The following SDK1 variants were observed in gnomAD, a reference collection of about 807,000 sequenced individuals.
SDK1 encodes protein sidekick-1.
A neutral mutation model predicts 245.5 loss-of-function variants in SDK1; 157 were observed. The ratio of observed to expected loss-of-function variants is 0.64; its 90% CI spans 0.56 to 0.73. The LOEUF (loss-of-function observed/expected upper bound fraction) is 0.73, where lower values mean the gene tolerates loss of function less well. Ranked by LOEUF, SDK1 falls within the 30% of genes least tolerant of loss-of-function variation. SDK1 has a pLI of 0.00. For synonymous variants in SDK1, 1,647 were observed against 1,278.5 expected, an observed-to-expected ratio of 1.29 and a Z score of -6.15; for missense variants, 3,583 against 3,002.3, an observed-to-expected ratio of 1.19 and a Z score of -4.52.
intron 4 of SDK1, among the ~76,000 whole-genome samples, chr7:3,712,388 A>G (rs530543969): frequency 1.4e-4 from 22 of 152,330 alleles, no homozygotes; most frequent in African/African-American, 5.1e-4. Context: ...AGTTGTAAGA[A>G]AACAAGTTCA....
chr7:4,115,809 A>C (rs968737722), intron 25 of SDK1, among the ~76,000 whole-genome samples: 13 of 152,330 alleles, frequency 8.5e-5, no homozygotes, highest in Middle Eastern at 6.8e-3. Flanking sequence ...TGTTGTTTTC[A>C]GTAGAAAAAT....
chr7:3,390,614 A>T (rs1269781815), intron 1 of SDK1, among the ~76,000 whole-genome samples: 2 of 152,198 alleles, frequency 1.3e-5, no homozygotes, highest in Admixed American at 1.3e-4. Context: ...TCCTTATATG[A>T]TGAGGGGGCT....
intron 17 of SDK1, among the ~76,000 whole-genome samples, chr7:4,047,100 A>C (rs74363913): frequency 0.055 from 8,316 of 152,244 alleles, 493 homozygotes; most frequent in African/African-American, 0.14. Context: ...CTTAAATGAG[A>C]TATTAGCTGT....
chr7:4,157,478 G>GAAGGAGAGAAGGAAGGAAGGA (rs1562899947), intron 30 of SDK1, among the ~76,000 whole-genome samples: 2 of 136,010 alleles, frequency 1.5e-5, no homozygotes, highest in African/African-American at 5.6e-5. Context: ...AGGAAGGAGG[G>GAAGGAGAGAAGGAAGGAAGGA]AAGGAAGGGA....
intron 5 of SDK1, among the ~76,000 whole-genome samples, chr7:3,906,138 C>G (rs1314469421): frequency 2.0e-5 from 3 of 152,090 alleles, no homozygotes; most frequent in African/African-American, 7.2e-5. Context: ...CTTTGTCTTA[C>G]CTGATGTTTG....
intron 4 of SDK1, among the ~76,000 whole-genome samples, chr7:3,768,709 C>G (rs1780326048): frequency 6.6e-6 from 1 of 152,152 alleles, no homozygotes; most frequent in Non-Finnish European, 1.5e-5. Context: ...GCTGTAGGTA[C>G]ACGTTTATGC....
At chr7:3,805,125 T>G (rs190253445) in intron 4 of SDK1, among the ~76,000 whole-genome samples, 1 of 152,346 alleles carries the variant, frequency 6.6e-6, no homozygotes, top group Non-Finnish European at 1.5e-5. Flanking sequence ...TTGGACACCA[T>G]AAGTACATAC....
At chr7:3,913,705 T>G (rs182183350) in intron 5 of SDK1, among the ~76,000 whole-genome samples, 1 of 152,284 alleles carries the variant, frequency 6.6e-6, no homozygotes, top group Non-Finnish European at 1.5e-5. Flanking sequence ...CCCTTGAGTA[T>G]GTTCACCAGT....
chr7:3,311,114 A>G (rs1184486037), intron 1 of SDK1, among the ~76,000 whole-genome samples: 3 of 152,156 alleles, frequency 2.0e-5, no homozygotes, highest in South Asian at 2.1e-4. Context: ...GACAGTTGAC[A>G]TAACTGGAGA....
chr7:4,041,420 C>G (rs890280615), intron 17 of SDK1, among the ~76,000 whole-genome samples: 1 of 152,026 alleles, frequency 6.6e-6, no homozygotes, highest in Non-Finnish European at 1.5e-5. Context: ...AGAGTGGTAC[C>G]TTTCTTATGA....
chr7:4,023,801 A>G (rs1787121720), intron 17 of SDK1, among the ~76,000 whole-genome samples: 1 of 152,370 alleles, frequency 6.6e-6, no homozygotes, highest in South Asian at 2.1e-4. Context: ...TGTTCAAATA[A>G]TGATGAAAGA....
Position 4,056,737 on chromosome 7 carries a change from C to T in SDK1, c.2911+4907C>T, listed in dbSNP as rs369941974. Among the ~76,000 whole-genome samples, 53 of 152,282 alleles carry T rather than the reference C, an allele frequency of 3.5e-4. 1 individual carries two copies. The highest frequency in any genetic ancestry group is 1.2e-3 in the African/African-American group (51 of 41,566). ...GAGGGAGCCCACGCTGCACCCCACA[C>T]GCCCGAGCCCAGAGCAGCTACTATG... is the stretch of plus-strand genomic sequence containing the variant. On this transcript the variant is annotated intron_variant, in intron 19 of 44. Coordinates refer to ENST00000404826, the MANE Select transcript of SDK1 (RefSeq NM_152744.4).
intron 1 of SDK1, among the ~76,000 whole-genome samples, chr7:3,466,455 C>A (rs1234565618): frequency 6.8e-6 from 1 of 146,552 alleles, no homozygotes; most frequent in Non-Finnish European, 1.5e-5. Flanking sequence ...ACATTTTTAT[C>A]TAGTATGCGT....
At chr7:4,074,166 G>A (rs2128175887) in intron 20 of SDK1, among the ~76,000 whole-genome samples, 1 of 152,226 alleles carries the variant, frequency 6.6e-6, no homozygotes, top group East Asian at 1.9e-4. Context: ...GACGAAACGA[G>A]CTATTCTGCA....
chr7:4,122,314 G>T lies in SDK1; in HGVS notation c.3824-5067G>T, dbSNP rs527377274. 2.0e-5 allele frequency among the ~76,000 whole-genome samples: 3 copies of T among 152,106 alleles called. No homozygotes were observed. The South Asian group carries it at 6.2e-4, about 32-fold the overall frequency. On this transcript the variant is annotated intron_variant, in intron 25 of 44. Coordinates refer to ENST00000404826, the MANE Select transcript of SDK1 (RefSeq NM_152744.4). Reference sequence around the variant, plus strand: ...AGAAAACTCGATCCTTTTTTGAAATGGGGGGAGGCAGGGATGAGATGGGGA... The same window carrying T: ...AGAAAACTCGATCCTTTTTTGAAATTGGGGGAGGCAGGGATGAGATGGGGA...
At chr7:3,743,123 C>T (rs933548105) in intron 4 of SDK1, among the ~76,000 whole-genome samples, 1 of 152,128 alleles carries the variant, frequency 6.6e-6, no homozygotes, top group African/African-American at 2.4e-5. Context: ...CCTTGGGTGC[C>T]TTGAATGGGA....
intron 14 of SDK1, among the ~76,000 whole-genome samples, chr7:4,002,332 T>A (rs879386724): frequency 1.4e-4 from 22 of 152,212 alleles, no homozygotes; most frequent in Non-Finnish European, 2.4e-4. Flanking sequence ...CTGAAATTCT[T>A]TGTTGTCTGG....
At chr7:3,947,945 G>C (rs1219199210) in intron 5 of SDK1, among the ~76,000 whole-genome samples, 1 of 152,068 alleles carries the variant, frequency 6.6e-6, no homozygotes, top group Non-Finnish European at 1.5e-5. Flanking sequence ...GTATGGTTTT[G>C]TTTCATTTTA....
At chr7:4,011,187 T>C (rs1242527677) in intron 15 of SDK1, 74 bp downstream of exon 15, 2 of 1,540,786 alleles carry the variant, frequency 1.3e-6, no homozygotes, top group African/African-American at 1.4e-5. Context: ...CATCACATTA[T>C]GTGGTGGAAT....
Sources: gnomAD v4.1 joint callset for allele counts (sites outside exome capture counted in the v4.1 genomes callset) on GRCh38, gnomAD v4.1.1 for gene constraint, MANE v1.5 for transcripts, NCBI Gene and HGNC (gene_info 2026-07-23, HGNC 2026-07-21) for gene names.